Variants in EEPD1 observed in about 807,000 individuals in gnomAD.
EEPD1 encodes the protein endonuclease/exonuclease/phosphatase family domain-containing protein 1.
A neutral mutation model predicts 46.3 loss-of-function variants in EEPD1; 17 were observed. The observed-to-expected ratio is 0.37, with a 90% CI of 0.25 to 0.55. EEPD1 has a LOEUF of 0.55. Ranked by LOEUF, EEPD1 falls within the 20% of genes least tolerant of loss-of-function variation. The pLI is 0.83. For missense variants in EEPD1, 673 were observed against 745.6 expected (o/e 0.90, Z 1.13); for synonymous variants, 313 against 315.6 (o/e 0.99, Z 0.09).
intron 3 of EEPD1, among the ~76,000 whole-genome samples, chr7:36,266,363 G>A (rs914236043): frequency 3.9e-5 from 6 of 152,128 alleles, no homozygotes; most frequent in Non-Finnish European, 5.9e-5. Context: ...GTGAAGAGAC[G>A]TTTGAATCCT....
chr7:36,271,037 A>G (rs1476552490), intron 3 of EEPD1, among the ~76,000 whole-genome samples: 1 of 151,690 alleles, frequency 6.6e-6, no homozygotes, highest in Non-Finnish European at 1.5e-5. Context: ...CCCAGGCTGG[A>G]GTGCAGTGGC....
In EEPD1 at chr7:36,154,879, C is replaced by T. The variant is rs373414903; in HGVS notation, c.555C>T (p.Ala185=). 8 of 1,614,162 alleles carry T rather than the reference C, an allele frequency of 5.0e-6. No individual in the cohort carries two copies. In the East Asian group the frequency reaches 1.1e-4, roughly 22 times the overall value. Residue 185 remains alanine (A), a synonymous_variant, in exon 2 of 8, where the codon GCC becomes GCT. Transcript: ENST00000242108. This position sits in a 1 kb window ranked among gnomAD's most constrained non-coding sequence, Gnocchi z 4.2. The stretch of plus-strand genomic sequence containing the variant: ...TAGTGAGGATGGATGGTATCAATGC[C>T]GCCTTCCTGGACAGGATCCGGCACC... ...EDLVRMDGIN[A]AFLDRIRHQV...
chr7:36,276,570 C>T (rs534006047), intron 3 of EEPD1, among the ~76,000 whole-genome samples: 45 of 152,272 alleles, frequency 3.0e-4, no homozygotes, highest in African/African-American at 1.1e-3. Flanking sequence ...AGGCTTTTGA[C>T]GTACAGGGTC....
intron 3 of EEPD1, among the ~76,000 whole-genome samples, chr7:36,247,395 A>G (rs1006457310): frequency 6.6e-6 from 1 of 152,196 alleles, no homozygotes; most frequent in Non-Finnish European, 1.5e-5. Context: ...TTGGAGTGTT[A>G]TTCACTATGA....
intron 2 of EEPD1, chr7:36,228,874 G>GA (rs1352541931): frequency 1.3e-5 from 2 of 152,214 alleles, no homozygotes; most frequent in Non-Finnish European, 2.9e-5. Flanking sequence ...TATTAAGGAT[G>GA]AAAATTGATT....
chr7:36,262,439 T>C lies in EEPD1; in HGVS notation c.931-18676T>C, dbSNP rs937020422. 2.0e-5 allele frequency among the ~76,000 whole-genome samples: 3 copies of C among 152,158 alleles called. 1 individual carries two copies. Among genetic ancestry groups the C allele is most frequent in the Non-Finnish European group, 2.9e-5 (2 of 68,028 alleles). ...AGAGTGAAAGTTTATTAAAAACTTT[T>C]AGAGCAGGAACAAAAGGAAGTAAAG... On this transcript the variant is annotated intron_variant, in intron 3 of 7. Coordinates refer to ENST00000242108, the MANE Select transcript of EEPD1 (RefSeq NM_030636.3).
chr7:36,278,508 G>GT (rs1787215353), intron 3 of EEPD1, among the ~76,000 whole-genome samples: 3 of 142,932 alleles, frequency 2.1e-5, no homozygotes, highest in African/African-American at 5.1e-5. Context: ...TGGGGGGGCG[G>GT]TGGGGGGGGC....
intron 6 of EEPD1, among the ~76,000 whole-genome samples, chr7:36,293,359 A>G (rs1371999972): frequency 6.6e-6 from 1 of 152,140 alleles, no homozygotes; most frequent in Non-Finnish European, 1.5e-5. Context: ...GTCTCAGCAG[A>G]GCTCTTTAAT....
chr7:36,224,438 TA>T (rs1033104754), intron 2 of EEPD1, among the ~76,000 whole-genome samples: 1 of 152,038 alleles, frequency 6.6e-6, no homozygotes, highest in Non-Finnish European at 1.5e-5. Flanking sequence ...GCATAAAGAC[TA>T]AAAAAAGGCT....
rs778307507 is a variant in EEPD1 at position 36,297,236 on chromosome 7, A to G, written c.1510+49A>G. On this transcript the variant is annotated intron_variant, in intron 7 of 7. Transcript: ENST00000242108. ...TTCTCCTGTTCAGGAATGGAGTGAG[A>G]GAAACATGTCTGAACTGACAGAAGT... The G allele has an allele frequency of 5.0e-6, 8 of 1,594,658 alleles. No individual in the cohort carries two copies. In the Admixed American group the frequency reaches 1.0e-4, roughly 21 times the overall value.
At chr7:36,262,097 C>G (rs1437661169) in intron 3 of EEPD1, among the ~76,000 whole-genome samples, 1 of 152,220 alleles carries the variant, frequency 6.6e-6, no homozygotes, top group African/African-American at 2.4e-5. Context: ...CCCCCACCCA[C>G]AAACTCTGCT....
chr7:36,214,003 T>G (rs192085650), intron 2 of EEPD1, among the ~76,000 whole-genome samples: 131 of 152,258 alleles, frequency 8.6e-4, no homozygotes, highest in African/African-American at 3.2e-3. Context: ...AGAGAAGATG[T>G]TGGTGGTCCA....
intron 6 of EEPD1, among the ~76,000 whole-genome samples, chr7:36,296,267 C>T (rs1019714447): frequency 2.0e-5 from 3 of 152,072 alleles, no homozygotes; most frequent in Non-Finnish European, 2.9e-5. Flanking sequence ...AGTTCCCAAT[C>T]GAGGAGTGGC....
chr7:36,186,499 C>T (rs972562456), intron 2 of EEPD1, among the ~76,000 whole-genome samples: 1 of 152,194 alleles, frequency 6.6e-6, no homozygotes, highest in African/African-American at 2.4e-5. Context: ...TTCTGTCAGG[C>T]TCATTCAAGG....
intron 3 of EEPD1, among the ~76,000 whole-genome samples, chr7:36,272,334 C>T (rs529415218): frequency 1.2e-3 from 188 of 152,234 alleles, no homozygotes; most frequent in African/African-American, 4.4e-3. Flanking sequence ...ATGAAGATGA[C>T]GCTGATGACA....
intron 2 of EEPD1, among the ~76,000 whole-genome samples, chr7:36,198,359 G>GAAAAAAAAAAAAAAAAAAA (rs1381831424): frequency 5.0e-4 from 20 of 39,626 alleles, no homozygotes; most frequent in Non-Finnish European, 8.4e-4. Flanking sequence ...AAAAAAAAAA[G>GAAAAAAAAAAAAAAAAAAA]AAAGATATTT....
intron 3 of EEPD1, among the ~76,000 whole-genome samples, chr7:36,262,554 T>C (rs1340237598): frequency 6.6e-6 from 1 of 152,188 alleles, no homozygotes; most frequent in Non-Finnish European, 1.5e-5. Flanking sequence ...TGGCATGCAT[T>C]CAGGGGGTTG....
intron 5 of EEPD1, among the ~76,000 whole-genome samples, chr7:36,285,642 C>G (rs1027234813): frequency 2.0e-5 from 3 of 152,204 alleles, no homozygotes; most frequent in African/African-American, 7.2e-5. Flanking sequence ...CATGAGCTCA[C>G]AGGCCAGGCA....
At chr7:36,176,535 G>T (rs1785183622) in intron 2 of EEPD1, among the ~76,000 whole-genome samples, 1 of 152,178 alleles carries the variant, frequency 6.6e-6, no homozygotes, top group African/African-American at 2.4e-5. Flanking sequence ...GAACATGCAG[G>T]TAAAGTATTC....
Sources: allele counts gnomAD v4.1 joint callset (sites outside exome capture counted in the v4.1 genomes callset), GRCh38; gene constraint gnomAD v4.1.1; non-coding constraint Gnocchi (gnomAD v3.1); transcripts MANE v1.5; gene names NCBI Gene and HGNC (gene_info 2026-07-23, HGNC 2026-07-21).